Variants in ZDHHC13 observed in about 807,000 individuals in gnomAD.
ZDHHC13 encodes the protein zDHHC palmitoyltransferase 13.
Under a neutral mutation model 86.0 loss-of-function variants are expected in ZDHHC13, and 85 were observed. That is an observed-to-expected ratio of 0.99 (90% confidence interval 0.83 to 1.18). ZDHHC13 has a LOEUF of 1.18. ZDHHC13 is among the 50% of genes most tolerant of loss of function. The pLI, the probability that ZDHHC13 is intolerant of heterozygous loss-of-function variation, is 0.00. For synonymous variants in ZDHHC13, 263 were observed against 246.4 expected, an observed-to-expected ratio of 1.07 and a Z score of -0.63; for missense variants, 711 against 730.2, an observed-to-expected ratio of 0.97 and a Z score of 0.30.
At position 19,158,463 on chromosome 11, in the gene ZDHHC13, G is replaced by T. The variant is rs562140875; in HGVS notation, c.1008-477G>T. On this transcript the variant is annotated intron_variant, in intron 9 of 16. Transcript: ENST00000446113. Reference sequence around the variant, plus strand: ...CTACTTCTCAAGCTGATTATAGGATGAATGTGCTTAAGGTTGTGTGCATCA... The same window carrying T: ...CTACTTCTCAAGCTGATTATAGGATTAATGTGCTTAAGGTTGTGTGCATCA... 3.3e-5 allele frequency among the ~76,000 whole-genome samples: 5 copies of T among 152,186 alleles called. No individual in the cohort carries two copies. In the South Asian group the frequency reaches 1.0e-3, roughly 32 times the overall value.
rs1386801434 is a variant in ZDHHC13 at position 19,149,347 on chromosome 11, T to C, written c.519+16T>C. The C allele has an allele frequency of 6.5e-7, 1 of 1,543,792 alleles. No individual in the cohort carries two copies. Among genetic ancestry groups the C allele is most frequent in the South Asian group, 1.2e-5 (1 of 82,342 alleles). On this transcript the variant is annotated intron_variant, in intron 5 of 16. Coordinates refer to ENST00000446113, the MANE Select transcript of ZDHHC13 (RefSeq NM_019028.3). Reference sequence around the variant, plus strand: ...AAAGGGACAGGTATGTTCTGAAATGTGTCTTATACTCCAGTTTTTATCATC... The same window carrying C: ...AAAGGGACAGGTATGTTCTGAAATGCGTCTTATACTCCAGTTTTTATCATC...
At chr11:19,148,685 GGCCGGGTGCAGTGGCTCAT>G (rs1849531762) in intron 4 of ZDHHC13, 1 of 152,504 alleles carries the variant, frequency 6.6e-6, no homozygotes, top group African/African-American at 2.4e-5. Context: ...TGATTATCCA[GGCCGGGTGCAGTGGCTCAT>G]GCCTGTAATC....
At chr11:19,174,174 C>A (rs1850297900) in intron 16 of ZDHHC13, among the ~76,000 whole-genome samples, 1 of 152,166 alleles carries the variant, frequency 6.6e-6, no homozygotes, top group Non-Finnish European at 1.5e-5. Flanking sequence ...GTGGAAACAC[C>A]AGACAAAGGG....
At chr11:19,119,914 TTCTC>T (rs964202055) in intron 1 of ZDHHC13, among the ~76,000 whole-genome samples, 6 of 150,962 alleles carry the variant, frequency 4.0e-5, no homozygotes, top group Non-Finnish European at 8.8e-5. Context: ...TGTCACATAT[TTCTC>T]TCTCACTCGC....
chr11:19,148,241 A>G (rs1849521290), intron 4 of ZDHHC13, among the ~76,000 whole-genome samples: 1 of 151,970 alleles, frequency 6.6e-6, no homozygotes, highest in Non-Finnish European at 1.5e-5. Context: ...TCTTTTATTA[A>G]TTTAAACTCC....
At position 19,165,048 on chromosome 11, in the gene ZDHHC13, T is replaced by A. The variant is rs549085330; in HGVS notation, c.1297-4T>A. On this transcript the variant is annotated splice_region_variant and splice_polypyrimidine_tract_variant and intron_variant, in intron 12 of 16. Transcript: ENST00000446113. ...GCTTAGGCCTCTCTTAATTGCCCAC[T>A]TAGATAAGGAAGCCATTAAGGTCAC... The A allele has an allele frequency of 2.9e-5, 46 of 1,611,530 alleles. No individual in the cohort carries two copies. The South Asian group carries it at 4.9e-4, about 17-fold the overall frequency.
intron 14 of ZDHHC13, 124 bp downstream of exon 14, chr11:19,166,509 G>A (rs1480124581): frequency 5.8e-6 from 4 of 689,562 alleles, no homozygotes; most frequent in Non-Finnish European, 9.3e-6. Flanking sequence ...TAAAAACAAA[G>A]CAAATGCCTC....
chr11:19,125,249 A>G (rs1848848753), intron 1 of ZDHHC13, among the ~76,000 whole-genome samples: 1 of 152,222 alleles, frequency 6.6e-6, no homozygotes. Context: ...TCTAGAATAT[A>G]TAATATAAAG....
chr11:19,143,058 C>T lies in ZDHHC13; in HGVS notation c.108C>T (p.Ala36=), dbSNP rs199613321. The T allele has an allele frequency of 3.9e-5, 63 of 1,613,150 alleles. No homozygotes were observed. The African/African-American group carries it at 6.7e-4, about 17-fold the overall frequency. ...GTGCACATGAAAACAAAGAACTTGC[C>T]AATGCAAGAGAAGCTCTTCCTCTTA... The part of the protein sequence containing the change: ...GICAHENKEL[A]NAREALPLIE... The change falls in exon 2 of 17, where the codon GCC becomes GCT. Residue 36 remains alanine (A), a synonymous_variant. Transcript: ENST00000446113.
chr11:19,174,498 CA>C (rs1850306163), intron 16 of ZDHHC13, among the ~76,000 whole-genome samples: 1 of 152,250 alleles, frequency 6.6e-6, no homozygotes. Context: ...GCAATGCCAT[CA>C]TCCCCATGCA....
chr11:19,162,186 A>T (rs1273476930), intron 10 of ZDHHC13, among the ~76,000 whole-genome samples: 1 of 152,096 alleles, frequency 6.6e-6, no homozygotes. Flanking sequence ...CAATGAGGGG[A>T]TAAGCTTATG....
Position 19,152,201 on chromosome 11 carries a change from A to G in ZDHHC13, c.628A>G (p.Asn210Asp). 1.2e-6 allele frequency: 2 copies of G among 1,613,306 alleles called. No homozygotes were observed. The highest frequency in any genetic ancestry group is 1.7e-6 in the Non-Finnish European group (2 of 1,179,454). Residue 210 changes from asparagine to aspartate, a missense_variant, in exon 7 of 17, where the codon AAT (asparagine) becomes GAT (aspartate). Transcript: ENST00000446113. ...GFLLKFNPSL[N>D]VVDKIHQNTP... ...TCTTTTAAAGTTTAATCCTTCTCTCAATGTGGTTGATAAAATACACCAAAA... is the reference window on the plus strand; with the variant it reads ...TCTTTTAAAGTTTAATCCTTCTCTCGATGTGGTTGATAAAATACACCAAAA...
At chr11:19,118,889 AGCT>A (rs1166213071) in intron 1 of ZDHHC13, 1 of 152,250 alleles carries the variant, frequency 6.6e-6, no homozygotes, top group Non-Finnish European at 1.5e-5. Context: ...CAAGTCAAAT[AGCT>A]GCTAAGTGAT....
chr11:19,128,893 T>C (rs865947479), intron 1 of ZDHHC13, among the ~76,000 whole-genome samples: 57 of 152,194 alleles, frequency 3.7e-4, no homozygotes, highest in African/African-American at 1.3e-3. Flanking sequence ...ACACATATGA[T>C]GTTGATCAGA....
intron 2 of ZDHHC13, among the ~76,000 whole-genome samples, chr11:19,144,706 A>G (rs1849411673): frequency 6.6e-6 from 1 of 152,190 alleles, no homozygotes; most frequent in African/African-American, 2.4e-5. Flanking sequence ...GAAACAGACA[A>G]TTCTGCCATT....
intron 3 of ZDHHC13, among the ~76,000 whole-genome samples, chr11:19,147,090 TACCCTAAATAC>T (rs1849486735): frequency 6.6e-6 from 1 of 152,158 alleles, no homozygotes. Context: ...CTCATCTCCG[TACCCTAAATAC>T]AGGGCAAAAC....
intron 14 of ZDHHC13, chr11:19,168,754 A>T: frequency 1.0e-6 from 1 of 969,074 alleles, no homozygotes; most frequent in South Asian, 4.8e-5. Flanking sequence ...GCCCTGCTCT[A>T]TACTCTCCTT....
At chr11:19,131,696 G>A (rs199732141) in intron 1 of ZDHHC13, among the ~76,000 whole-genome samples, 2 of 151,932 alleles carry the variant, frequency 1.3e-5, no homozygotes, top group African/African-American at 4.8e-5. Context: ...GTGTGCAGTG[G>A]TGTGATCTTG....
Position 19,175,909 on chromosome 11 carries a change from G to T in ZDHHC13, c.1818G>T (p.Gln606His), listed in dbSNP as rs759493076. ...CCTGTGTGGTAGATTGGACATCACA[G>T]TACACCATGGTCTTTCACCCAGCCA... ...VKPCVVDWTS[Q>H]YTMVFHPARE... The change falls in exon 17 of 17, where the codon CAG (glutamine) becomes CAT (histidine). Residue 606 changes from glutamine (Q) to histidine (H), a missense_variant. Transcript: ENST00000446113. 12 of 1,613,086 alleles carry T rather than the reference G, an allele frequency of 7.4e-6. No homozygotes were observed. Among genetic ancestry groups the T allele is most frequent in the Non-Finnish European group, 8.5e-6 (10 of 1,179,586 alleles).
Sources: allele counts gnomAD v4.1 joint callset (sites outside exome capture counted in the v4.1 genomes callset), GRCh38; gene constraint gnomAD v4.1.1; transcripts MANE v1.5; gene names NCBI Gene and HGNC (gene_info 2026-07-23, HGNC 2026-07-21).